The following SMARCA2 variants were observed in gnomAD, a reference collection of about 807,000 sequenced individuals.
The protein encoded by SMARCA2 is SWI/SNF related BAF chromatin remodeling complex subunit ATPase 2.
SMARCA2 carries 61 observed loss-of-function variants against 199.8 expected under a neutral mutation model. The observed-to-expected ratio is 0.31, with a 90% confidence interval of 0.25 to 0.38. The LOEUF is 0.38. Among genes scored for constraint, SMARCA2 ranks in the 10% least tolerant of loss-of-function variants. The pLI, the probability that SMARCA2 is intolerant of heterozygous loss-of-function variation, is 1.00. For synonymous variants in SMARCA2, 935 were observed against 732.0 expected, an observed-to-expected ratio of 1.28 and a Z score of -4.48; for missense variants, 1,344 against 2,012.2, an observed-to-expected ratio of 0.67 and a Z score of 6.35.
At chr9:2,136,403 G>C (rs930849086) in intron 27 of SMARCA2, among the ~76,000 whole-genome samples, 1 of 151,736 alleles carries the variant, frequency 6.6e-6, no homozygotes, top group African/African-American at 2.4e-5. Flanking sequence ...GGCCAATCTG[G>C]TCTCGAACTC....
chr9:2,124,778 G>A (rs771129047), intron 27 of SMARCA2, among the ~76,000 whole-genome samples: 2 of 152,138 alleles, frequency 1.3e-5, no homozygotes, highest in African/African-American at 2.4e-5. Flanking sequence ...CTTAGGAGTC[G>A]CGTGTGTGAA....
intron 32 of SMARCA2, 82 bp downstream of exon 32, chr9:2,186,310 C>T: frequency 7.1e-7 from 1 of 1,413,728 alleles, no homozygotes; most frequent in Non-Finnish European, 9.5e-7. Context: ...ACAGAAGAGA[C>T]TTTAGAGTGG....
intron 9 of SMARCA2, among the ~76,000 whole-genome samples, chr9:2,063,601 C>G (rs1409237000): frequency 6.6e-6 from 1 of 152,170 alleles, no homozygotes; most frequent in East Asian, 1.9e-4. Context: ...TAGCACTGAG[C>G]TGGTAGCAAC....
At chr9:2,180,422 T>A (rs1826944124) in intron 29 of SMARCA2, among the ~76,000 whole-genome samples, 1 of 152,218 alleles carries the variant, frequency 6.6e-6, no homozygotes, top group East Asian at 1.9e-4. Flanking sequence ...GATTACTTTT[T>A]AATTATACAA....
rs139996506 is a variant in SMARCA2 at position 2,048,595 on chromosome 9, C to G, written c.1046+1111C>G. 3.6e-3 allele frequency among the ~76,000 whole-genome samples: 543 copies of G among 152,260 alleles called. 2 individuals are homozygous for G. Among genetic ancestry groups the G allele is most frequent in the African/African-American group, 0.013 (536 of 41,552 alleles). On this transcript the variant is annotated intron_variant, in intron 5 of 33. Coordinates refer to ENST00000349721, the MANE Select transcript of SMARCA2 (RefSeq NM_003070.5). ...AGCACATCACTCATTTCTTATCAGA[C>G]TAAAATACTAAGTTACCAGCCTAGA...
At chr9:2,075,651 TTGTTTTGTTTTG>T (rs1417843375) in intron 12 of SMARCA2, among the ~76,000 whole-genome samples, 25 of 152,162 alleles carry the variant, frequency 1.6e-4, no homozygotes, top group African/African-American at 5.6e-4. Flanking sequence ...TAGATTTTTT[TTGTTTTGTTTTG>T]TGTTTTGTTT....
Position 2,121,402 on chromosome 9 carries a change from A to C in SMARCA2, c.3762+1867A>C, listed in dbSNP as rs377249724. On this transcript the variant is annotated intron_variant, in intron 26 of 33. Coordinates refer to ENST00000349721, the MANE Select transcript of SMARCA2 (RefSeq NM_003070.5). The stretch of plus-strand genomic sequence containing the variant: ...TTAAAGGCTGGCTTCTATTTTGAGG[A>C]TTAGACAGATTTTAGGTTTGGTTTA... Among the ~76,000 whole-genome samples the C allele has an allele frequency of 3.9e-5, 6 of 152,290 alleles. No individual in the cohort carries two copies. In the East Asian group the frequency reaches 9.6e-4, roughly 24 times the overall value.
At chr9:2,054,112 CT>C (rs1383859592) in intron 5 of SMARCA2, among the ~76,000 whole-genome samples, 1 of 152,232 alleles carries the variant, frequency 6.6e-6, no homozygotes, top group Non-Finnish European at 1.5e-5. Context: ...ACTGTTCTTG[CT>C]CACTGCGCTT....
intron 10 of SMARCA2, chr9:2,072,977 G>A (rs1204038447): frequency 4.1e-6 from 2 of 484,500 alleles, no homozygotes; most frequent in Non-Finnish European, 7.4e-6. Context: ...TGATGTATCT[G>A]GTTGCTGGAG....
rs936539902 is a variant in SMARCA2 at position 2,178,672 on chromosome 9, C to G, written c.4254-2899C>G. ...CAGCTCAAATTAGAGAAAGAAATGA[C>G]AAGAATTCAGAACTGTCAGGCTGCT... is the stretch of plus-strand genomic sequence containing the variant. On this transcript the variant is annotated intron_variant, in intron 29 of 33. Coordinates refer to ENST00000349721, the MANE Select transcript of SMARCA2 (RefSeq NM_003070.5). Among the ~76,000 whole-genome samples the G allele has an allele frequency of 3.3e-5, 5 of 152,074 alleles. No homozygotes were observed. In the East Asian group the frequency reaches 9.6e-4, roughly 29 times the overall value.
chr9:2,048,322 A>ATC (rs1268931424), intron 5 of SMARCA2, among the ~76,000 whole-genome samples: 1 of 152,204 alleles, frequency 6.6e-6, no homozygotes, highest in Non-Finnish European at 1.5e-5. Flanking sequence ...ATACTGTGTC[A>ATC]TCAGTAACTT....
chr9:2,132,202 A>T (rs1823991744), intron 27 of SMARCA2, among the ~76,000 whole-genome samples: 1 of 152,230 alleles, frequency 6.6e-6, no homozygotes, highest in Non-Finnish European at 1.5e-5. Context: ...GACATTTGAA[A>T]TTCTATGGAA....
chr9:2,107,195 A>C (rs1197894434), intron 23 of SMARCA2, among the ~76,000 whole-genome samples: 1 of 152,250 alleles, frequency 6.6e-6, no homozygotes, highest in East Asian at 1.9e-4. Flanking sequence ...AATCTTTGAC[A>C]GAAAGGGTTT....
At chr9:2,180,214 C>G (rs1826923079) in intron 29 of SMARCA2, among the ~76,000 whole-genome samples, 2 of 152,028 alleles carry the variant, frequency 1.3e-5, no homozygotes, top group Non-Finnish European at 2.9e-5. Flanking sequence ...GATTTTCGTA[C>G]TCATGAGGCC....
Position 2,056,392 on chromosome 9 carries a change from A to C in SMARCA2, c.1174-280A>C, listed in dbSNP as rs963890274. ...ATAATTAGAGAAAATGAAGTTATTT[A>C]AAAGGCAAGACAACATCTTTTCTTT... On this transcript the variant is annotated intron_variant, in intron 6 of 33. Transcript: ENST00000349721. This position sits in a 1 kb window ranked among gnomAD's most constrained non-coding sequence, Gnocchi z 4.0. Among the ~76,000 whole-genome samples, 2 of 152,238 alleles carry C rather than the reference A, an allele frequency of 1.3e-5. No individual in the cohort carries two copies. The highest frequency in any genetic ancestry group is 4.8e-5 in the African/African-American group (2 of 41,460).
chr9:2,045,430 G>C (rs998985480), intron 4 of SMARCA2: 3 of 152,064 alleles, frequency 2.0e-5, no homozygotes, highest in African/African-American at 7.2e-5. Flanking sequence ...AATGTACCTT[G>C]TTTTAAAGCT....
intron 5 of SMARCA2, among the ~76,000 whole-genome samples, chr9:2,048,416 G>C (rs1819975764): frequency 6.6e-6 from 1 of 152,136 alleles, no homozygotes; most frequent in African/African-American, 2.4e-5. Context: ...GTGTTGGGAA[G>C]ATAAAATGAT....
At chr9:2,100,241 A>T (rs1023642115) in intron 21 of SMARCA2, among the ~76,000 whole-genome samples, 3 of 152,198 alleles carry the variant, frequency 2.0e-5, no homozygotes, top group African/African-American at 7.2e-5. Context: ...ATAAAGTCAG[A>T]ATGGAGAAAT....
intron 27 of SMARCA2, among the ~76,000 whole-genome samples, chr9:2,127,384 A>G (rs1055351962): frequency 6.6e-6 from 1 of 152,186 alleles, no homozygotes; most frequent in Non-Finnish European, 1.5e-5. Flanking sequence ...CCACAGATGG[A>G]CCTCAACATG....
Sources: gnomAD v4.1 joint callset for allele counts (sites outside exome capture counted in the v4.1 genomes callset) on GRCh38, gnomAD v4.1.1 for gene constraint, Gnocchi (gnomAD v3.1) non-coding constraint, MANE v1.5 for transcripts, NCBI Gene and HGNC (gene_info 2026-07-23, HGNC 2026-07-21) for gene names.